Variants in ZC3H14 observed in about 807,000 individuals in gnomAD.
The protein encoded by ZC3H14 is zinc finger CCCH domain-containing protein 14.
ZC3H14 carries 31 observed loss-of-function variants against 92.4 expected under a neutral mutation model. That is an observed-to-expected ratio of 0.34 (90% CI 0.25 to 0.45). The LOEUF (loss-of-function observed/expected upper bound fraction) is 0.45, where lower values mean the gene tolerates loss of function less well. ZC3H14 is among the 20% of genes least tolerant of loss of function. The probability of loss-of-function intolerance (pLI) is 1.00; values close to 1 mark genes in which losing one functional copy is unlikely to be tolerated. For synonymous variants in ZC3H14, 321 were observed against 300.9 expected (o/e 1.07, Z -0.69); for missense variants, 781 against 897.3 (o/e 0.87, Z 1.66).
chr14:88,608,988 C>T (rs571553886), intron 13 of ZC3H14: 3 of 426,922 alleles, frequency 7.0e-6, no homozygotes, highest in African/African-American at 6.0e-5. Flanking sequence ...AAAATATATA[C>T]CTTTTTTATT....
At chr14:88,576,069 C>T (rs2081119198) in intron 8 of ZC3H14, 129 bp downstream of exon 8, 2 of 803,010 alleles carry the variant, frequency 2.5e-6, no homozygotes, top group South Asian at 3.4e-5. Context: ...ATGAGGTTCC[C>T]ATATAGAAAA....
rs757822882 is a variant in ZC3H14, at chr14:88,614,992, A to G, written c.*3241A>G. The G allele has an allele frequency of 5.3e-5, 8 of 152,202 alleles. No individual in the cohort carries two copies. Among genetic ancestry groups the G allele is most frequent in the Admixed American group, 1.3e-4 (2 of 15,284 alleles). 9.4% of individuals were successfully genotyped at this position (152,202 alleles called of 1,614,324 possible). ...TATATTAGACTACATTAAATATGCAATTCTTTCTTCCAGTTAAATACTGTT... is the reference window on the plus strand; with the variant it reads ...TATATTAGACTACATTAAATATGCAGTTCTTTCTTCCAGTTAAATACTGTT... On this transcript the variant is annotated 3_prime_UTR_variant, in exon 17 of 17. Transcript: ENST00000251038.
Position 88,625,283 on chromosome 14 carries a change from C to T in ZC3H14, c.*13532C>T. ...AGCACTGAATTCACGAGTCAGGAAA[C>T]CTGAACGGGAGGCTTAGCTTTGTCA... On this transcript the variant is annotated 3_prime_UTR_variant, in exon 17 of 17. Transcript: ENST00000251038. 3 of 797,442 alleles carry T rather than the reference C, an allele frequency of 3.8e-6. No homozygotes were observed. In the South Asian group the frequency reaches 6.4e-5, roughly 17 times the overall value. 49.4% of individuals were successfully genotyped at this position (797,442 alleles called of 1,614,324 possible).
intron 9 of ZC3H14, among the ~76,000 whole-genome samples, chr14:88,596,241 G>A (rs1331290381): frequency 1.3e-5 from 2 of 152,294 alleles, no homozygotes; most frequent in African/African-American, 2.4e-5. Context: ...ATGCATCGAA[G>A]CCCAGAGTTT....
chr14:88,615,591 C>G lies in ZC3H14; in HGVS notation c.*3840C>G. The G allele has an allele frequency of 2.1e-6, 1 of 476,202 alleles. No homozygotes were observed. Among genetic ancestry groups the G allele is most frequent in the Non-Finnish European group, 3.7e-6 (1 of 271,942 alleles). The allele number at this position is 476,202 out of a possible 1,614,324, so 29.5% of individuals were successfully genotyped here. A position where few individuals can be genotyped will look rare whatever the true frequency, so the allele number is the denominator to read the frequency against. ...TGGCCTTTACCATCAAGTATTCGATCCTTCCTTGAAATGGCATTATCTGGC... is the reference window on the plus strand; with the variant it reads ...TGGCCTTTACCATCAAGTATTCGATGCTTCCTTGAAATGGCATTATCTGGC... On this transcript the variant is annotated 3_prime_UTR_variant, in exon 17 of 17. Coordinates refer to ENST00000251038, the MANE Select transcript of ZC3H14 (RefSeq NM_024824.5).
At chr14:88,582,671 A>G (rs923116398) in intron 9 of ZC3H14, among the ~76,000 whole-genome samples, 8 of 152,072 alleles carry the variant, frequency 5.3e-5, no homozygotes, top group African/African-American at 7.2e-5. Context: ...TCATTAAGCT[A>G]TATGTTTGTG....
rs1214319490 is a variant in ZC3H14 at position 88,621,197 on chromosome 14, C to G, written c.*9446C>G. The G allele has an allele frequency of 6.2e-7, 1 of 1,613,784 alleles. No individual in the cohort carries two copies. Among genetic ancestry groups the G allele is most frequent in the African/African-American group, 1.3e-5 (1 of 74,904 alleles). On this transcript the variant is annotated 3_prime_UTR_variant, in exon 17 of 17. Coordinates refer to ENST00000251038, the MANE Select transcript of ZC3H14 (RefSeq NM_024824.5). ...CCCTGGAAGGATGTGTTGCTAGTCC[C>G]CAGATTGGCCCATCCACATGACCGT...
intron 2 of ZC3H14, among the ~76,000 whole-genome samples, chr14:88,563,969 C>G (rs2079230436): frequency 6.6e-6 from 1 of 152,066 alleles, no homozygotes; most frequent in Non-Finnish European, 1.5e-5. Flanking sequence ...TATTCTCTCT[C>G]TCTCTCATTT....
chr14:88,571,138 C>CT lies in ZC3H14; in HGVS notation c.235+24dup, dbSNP rs1555396623. ...CTGTTACAACTGGTAAGATTCATAA[C>CT]TTTTTTTTTTAATTTCTGCTTGCTA... On this transcript the variant is annotated intron_variant, in intron 4 of 16. Transcript: ENST00000251038. The CT allele has an allele frequency of 3.4e-4, 497 of 1,458,448 alleles. No individual in the cohort carries two copies. The highest frequency in any genetic ancestry group is 1.2e-3 in the South Asian group (96 of 79,282). The allele number at this position is 1,458,448 out of a possible 1,614,324, so 90.3% of individuals were successfully genotyped here.
At position 88,609,821 on chromosome 14, in the gene ZC3H14, C is replaced by T. The variant is rs770277134; in HGVS notation, c.2097+18C>T. ...ATCCAAAAGTAAGAACTTCTATTTT[C>T]TCAAATCAATTTAGTGACAACATCT... On this transcript the variant is annotated intron_variant, in intron 15 of 16. Transcript: ENST00000251038. 3.1e-6 allele frequency: 5 copies of T among 1,609,684 alleles called. No individual in the cohort carries two copies. In the South Asian group the frequency reaches 5.5e-5, roughly 18 times the overall value.
chr14:88,595,645 C>T (rs2139978303), intron 9 of ZC3H14, among the ~76,000 whole-genome samples: 1 of 152,288 alleles, frequency 6.6e-6, no homozygotes, highest in East Asian at 1.9e-4. Flanking sequence ...AGTAAAATTT[C>T]ATATAACTTA....
chr14:88,613,848 C>G lies in ZC3H14; in HGVS notation c.*2097C>G, dbSNP rs2087189427. 1 of 152,168 alleles carries G rather than the reference C, an allele frequency of 6.6e-6. No individual in the cohort carries two copies. The highest frequency in any genetic ancestry group is 6.5e-5 in the Admixed American group (1 of 15,268). 9.4% of individuals were successfully genotyped at this position (152,168 alleles called of 1,614,324 possible). A position where few individuals can be genotyped will look rare whatever the true frequency, so the allele number is the denominator to read the frequency against. Reference sequence around the variant, plus strand: ...CTGGGTTAAAAAAGTAAACATAGGGCAGATTCTATATGGCCTATCATGTTT... The same window carrying G: ...CTGGGTTAAAAAAGTAAACATAGGGGAGATTCTATATGGCCTATCATGTTT... On this transcript the variant is annotated 3_prime_UTR_variant, in exon 17 of 17. Transcript: ENST00000251038.
chr14:88,563,350 A>AGCGTG (rs1674858813), intron 1 of ZC3H14, 181 bp downstream of exon 1: 1 of 1,461,196 alleles, frequency 6.8e-7, no homozygotes. Context: ...GCGGCCTCGG[A>AGCGTG]GCGTGGCTGC....
intron 9 of ZC3H14, among the ~76,000 whole-genome samples, chr14:88,593,095 G>A (rs905345908): frequency 6.6e-6 from 1 of 151,712 alleles, no homozygotes; most frequent in African/African-American, 2.4e-5. Flanking sequence ...AGCCTCCTGA[G>A]TAGCTGGGAT....
At chr14:88,571,617 A>G (rs1024394687) in intron 4 of ZC3H14, among the ~76,000 whole-genome samples, 3 of 152,216 alleles carry the variant, frequency 2.0e-5, no homozygotes, top group Non-Finnish European at 2.9e-5. Flanking sequence ...ATTTTCTACA[A>G]TAAACATACT....
At chr14:88,574,657 T>C (rs1409224690) in intron 6 of ZC3H14, 36 bp from the exon 7 acceptor site, 1 of 1,611,908 alleles carries the variant, frequency 6.2e-7, no homozygotes, top group South Asian at 1.1e-5. Flanking sequence ...TGTTATTTTC[T>C]GAGATTAGGT....
chr14:88,568,288 C>T, intron 3 of ZC3H14, 135 bp downstream of exon 3: 1 of 726,240 alleles, frequency 1.4e-6, no homozygotes, highest in South Asian at 1.5e-5. Context: ...GAGAGCACAG[C>T]CTCTGTATTA....
chr14:88,600,296 C>T (rs922612980), intron 10 of ZC3H14, among the ~76,000 whole-genome samples: 3 of 152,202 alleles, frequency 2.0e-5, no homozygotes, highest in Non-Finnish European at 4.4e-5. Flanking sequence ...GGACAGACAG[C>T]AGAGAATCTT....
chr14:88,571,999 T>C (rs1158284933), intron 4 of ZC3H14, 31 bp from the exon 5 acceptor site: 3 of 1,482,662 alleles, frequency 2.0e-6, no homozygotes, highest in Admixed American at 2.0e-5. Context: ...GAAATAAAAA[T>C]AGATTAAAAG....
Sources: allele counts gnomAD v4.1 joint callset (sites outside exome capture counted in the v4.1 genomes callset), GRCh38; gene constraint gnomAD v4.1.1; transcripts MANE v1.5; gene names NCBI Gene and HGNC (gene_info 2026-07-23, HGNC 2026-07-21).